NFATC3: variants seen among roughly 807,000 people sequenced by gnomAD.
NFATC3 encodes the protein nuclear factor of activated T cells 3, also known as nuclear factor of activated T-cells, cytoplasmic 3.
Under a neutral mutation model 98.6 loss-of-function variants are expected in NFATC3, and 46 were observed. The ratio of observed to expected loss-of-function variants is 0.47; its 90% CI spans 0.37 to 0.60. The LOEUF is 0.60. NFATC3 is among the 20% of genes least tolerant of loss of function. NFATC3 has a pLI of 0.00. For synonymous variants in NFATC3, 512 were observed against 472.2 expected, an observed-to-expected ratio of 1.08 and a Z score of -1.09; for missense variants, 1,256 against 1,295.5, an observed-to-expected ratio of 0.97 and a Z score of 0.47.
chr16:68,153,626 T>C (rs2038457207), intron 3 of NFATC3, among the ~76,000 whole-genome samples: 1 of 152,124 alleles, frequency 6.6e-6, no homozygotes, highest in African/African-American at 2.4e-5. Context: ...ATTATTTTTA[T>C]TTTTTGAGAC....
chr16:68,085,719 A>G lies in NFATC3; in HGVS notation c.38A>G (p.Asp13Gly), dbSNP rs1320115007. The change falls in exon 1 of 10, where the codon GAC becomes GGC. Residue 13 changes from aspartate (D) to glycine (G), a missense_variant. By Grantham distance (94) the Asp-to-Gly change is moderately conservative. Transcript: ENST00000346183. ...AACTGTGGCGCCCACGACGAGCTCG[A>G]CTTCAAACTCGTCTTTGGCGAGGAC... ...TANCGAHDEL[D>G]FKLVFGEDGA... 9.2e-6 allele frequency: 14 copies of G among 1,514,348 alleles called. No individual in the cohort carries two copies. The highest frequency in any genetic ancestry group is 1.1e-5 in the Non-Finnish European group (13 of 1,133,344). The allele number at this position is 1,514,348 out of a possible 1,614,324, so 93.8% of individuals were successfully genotyped here. A position where few individuals can be genotyped will look rare whatever the true frequency, so the allele number is the denominator to read the frequency against.
In NFATC3 at chr16:68,143,093, A is replaced by G. The variant is rs2037840742; in HGVS notation, c.1402-14776A>G. ...CCAAAAAATAAAAATAAAAAATTTA[A>G]CCAGGCATGGTGGTACCCACCTTGA... On this transcript the variant is annotated intron_variant, in intron 3 of 9. Transcript: ENST00000346183. Among the ~76,000 whole-genome samples, 4 of 151,712 alleles carry G rather than the reference A, an allele frequency of 2.6e-5. No homozygotes were observed. In the South Asian group the frequency reaches 8.3e-4, roughly 32 times the overall value.
chr16:68,178,761 A>C (rs1388650570), intron 6 of NFATC3, among the ~76,000 whole-genome samples: 1 of 152,228 alleles, frequency 6.6e-6, no homozygotes, highest in Non-Finnish European at 1.5e-5. Flanking sequence ...TCATCTGTGC[A>C]TGAATACAAT....
intron 3 of NFATC3, among the ~76,000 whole-genome samples, chr16:68,139,765 T>C (rs2037646311): frequency 6.6e-6 from 1 of 152,208 alleles, no homozygotes; most frequent in Non-Finnish European, 1.5e-5. Context: ...AGCAGTTTGC[T>C]AATGTAGCTG....
intron 1 of NFATC3, among the ~76,000 whole-genome samples, chr16:68,115,469 T>TC (rs1350685766): frequency 6.6e-6 from 1 of 151,722 alleles, no homozygotes; most frequent in Non-Finnish European, 1.5e-5. Flanking sequence ...TCACACAGGC[T>TC]AGAGTGCAGT....
At chr16:68,138,136 A>G (rs2037542959) in intron 3 of NFATC3, among the ~76,000 whole-genome samples, 2 of 151,584 alleles carry the variant, frequency 1.3e-5, no homozygotes, top group South Asian at 4.2e-4. Context: ...GCTGGGATCT[A>G]GTGATTCTCC....
chr16:68,099,391 C>T (rs1386323144), intron 1 of NFATC3, among the ~76,000 whole-genome samples: 4 of 151,524 alleles, frequency 2.6e-5, no homozygotes, highest in South Asian at 2.1e-4. Flanking sequence ...GTGGAGATTG[C>T]GCCACTGCAT....
At chr16:68,219,401 T>C (rs1317188833) in intron 9 of NFATC3, among the ~76,000 whole-genome samples, 1 of 151,092 alleles carries the variant, frequency 6.6e-6, no homozygotes, top group Non-Finnish European at 1.5e-5. Flanking sequence ...TAAATAAAAA[T>C]AAAAAAATAA....
chr16:68,204,433 G>A (rs1247191583), intron 9 of NFATC3, among the ~76,000 whole-genome samples: 2 of 152,180 alleles, frequency 1.3e-5, no homozygotes, highest in African/African-American at 4.8e-5. Context: ...TGAACACTGT[G>A]CTAGGCACTT....
intron 1 of NFATC3, among the ~76,000 whole-genome samples, chr16:68,106,033 T>A (rs538282370): frequency 2.6e-5 from 4 of 151,902 alleles, no homozygotes; most frequent in African/African-American, 9.7e-5. Flanking sequence ...CACGCCAGGC[T>A]AACTTTTGTA....
At chr16:68,097,920 A>T (rs2035103390) in intron 1 of NFATC3, among the ~76,000 whole-genome samples, 1 of 152,146 alleles carries the variant, frequency 6.6e-6, no homozygotes, top group African/African-American at 2.4e-5. Context: ...TGAACTCACT[A>T]GAACATTTAT....
intron 9 of NFATC3, among the ~76,000 whole-genome samples, chr16:68,215,490 G>A (rs947751782): frequency 2.6e-5 from 4 of 152,202 alleles, no homozygotes; most frequent in Non-Finnish European, 5.9e-5. Flanking sequence ...TGCTTCCCAT[G>A]TGTGAAGCAA....
intron 8 of NFATC3, among the ~76,000 whole-genome samples, chr16:68,188,362 G>A (rs1598544136): frequency 6.6e-6 from 1 of 152,174 alleles, no homozygotes; most frequent in Non-Finnish European, 1.5e-5. Flanking sequence ...AGAGCGCAGG[G>A]ATGCCCGGGT....
At chr16:68,214,526 A>G in intron 9 of NFATC3, 1 of 977,278 alleles carries the variant, frequency 1.0e-6, no homozygotes, top group African/African-American at 1.6e-5. Context: ...AGGAGGGGGT[A>G]TGCACGGGCA....
intron 3 of NFATC3, among the ~76,000 whole-genome samples, chr16:68,157,650 C>T (rs1001388387): frequency 1.3e-5 from 2 of 152,066 alleles, no homozygotes; most frequent in African/African-American, 2.4e-5. Flanking sequence ...CAAAACCAAA[C>T]CCACATTCCT....
intron 8 of NFATC3, among the ~76,000 whole-genome samples, chr16:68,187,999 G>A (rs565452367): frequency 6.6e-6 from 1 of 152,258 alleles, no homozygotes; most frequent in East Asian, 1.9e-4. Flanking sequence ...GGGCTGAGCT[G>A]CCCTCAGCCC....
chr16:68,117,884 G>A (rs534718956), intron 1 of NFATC3, among the ~76,000 whole-genome samples: 1 of 152,282 alleles, frequency 6.6e-6, no homozygotes, highest in African/African-American at 2.4e-5. Flanking sequence ...GGTAGGTACT[G>A]GAGATACAGC....
intron 4 of NFATC3, among the ~76,000 whole-genome samples, chr16:68,159,834 T>C (rs2038804827): frequency 6.6e-6 from 1 of 151,706 alleles, no homozygotes; most frequent in African/African-American, 2.4e-5. Flanking sequence ...TCCCAGCACT[T>C]TGGGAGGCCG....
intron 9 of NFATC3, among the ~76,000 whole-genome samples, chr16:68,219,375 T>C (rs2041767549): frequency 6.6e-6 from 1 of 151,556 alleles, no homozygotes; most frequent in Non-Finnish European, 1.5e-5. Context: ...AGAGCAAGAC[T>C]CTGTCTCAAA....
Sources: allele counts gnomAD v4.1 joint callset (sites outside exome capture counted in the v4.1 genomes callset), GRCh38; gene constraint gnomAD v4.1.1; transcripts MANE v1.5; gene names NCBI Gene and HGNC (gene_info 2026-07-23, HGNC 2026-07-21).